The following APBA2 variants were observed in gnomAD, a reference collection of about 807,000 sequenced individuals.
APBA2 encodes the protein amyloid-beta A4 precursor protein-binding family A member 2.
A neutral mutation model predicts 75.0 loss-of-function variants in APBA2; 30 were observed. That is an observed-to-expected ratio of 0.40 (90% confidence interval 0.30 to 0.54). APBA2 has a LOEUF of 0.54. Ranked by LOEUF, APBA2 falls within the 20% of genes least tolerant of loss-of-function variation. APBA2 has a pLI of 0.49. For missense variants in APBA2, 801 were observed against 1,016.1 expected, an observed-to-expected ratio of 0.79 and a Z score of 2.88; for synonymous variants, 444 against 409.6, an observed-to-expected ratio of 1.08 and a Z score of -1.01.
chr15:28,932,254 A>T (rs1236817501), intron 2 of APBA2, among the ~76,000 whole-genome samples: 12 of 152,052 alleles, frequency 7.9e-5, no homozygotes, highest in Non-Finnish European at 2.9e-5. Context: ...TGGAGAGCTG[A>T]GGGGGGCACC....
intron 2 of APBA2, among the ~76,000 whole-genome samples, chr15:28,965,069 C>G (rs1175901357): frequency 6.6e-6 from 1 of 151,378 alleles, no homozygotes; most frequent in African/African-American, 2.4e-5. Flanking sequence ...AAAGCTCTTT[C>G]CTTTGATTTT....
chr15:28,968,738 T>A (rs2036873835), intron 2 of APBA2, among the ~76,000 whole-genome samples: 1 of 152,160 alleles, frequency 6.6e-6, no homozygotes, highest in Non-Finnish European at 1.5e-5. Flanking sequence ...ACAGAGCTTA[T>A]CAAAGCAAAA....
At chr15:28,950,260 A>G (rs368811262) in intron 2 of APBA2, among the ~76,000 whole-genome samples, 1 of 152,196 alleles carries the variant, frequency 6.6e-6, no homozygotes, top group South Asian at 2.1e-4. Flanking sequence ...CATGATATCA[A>G]TATGACTCAT....
At chr15:29,069,614 G>A (rs1020071387) in intron 4 of APBA2, among the ~76,000 whole-genome samples, 1 of 152,232 alleles carries the variant, frequency 6.6e-6, no homozygotes, top group African/African-American at 2.4e-5. Flanking sequence ...GTGTGTGTCT[G>A]TTTATACCCT....
chr15:29,038,264 C>T (rs1157169073), intron 3 of APBA2, among the ~76,000 whole-genome samples: 3 of 152,222 alleles, frequency 2.0e-5, no homozygotes, highest in South Asian at 2.1e-4. Flanking sequence ...TCTCCAGGCA[C>T]GTCCCTCCAC....
At position 29,074,966 on chromosome 15, in the gene APBA2, C is replaced by G. The variant is rs749452214; in HGVS notation, c.997C>G (p.Leu333Val). 3.7e-6 allele frequency: 6 copies of G among 1,614,042 alleles called. No homozygotes were observed. The Admixed American group carries it at 5.0e-5, about 13-fold the overall frequency. Residue 333 changes from leucine to valine, a missense_variant, in exon 5 of 15, where the codon CTC becomes GTC. By Grantham distance (32) the Leu-to-Val change is conservative. Coordinates refer to ENST00000683413, the MANE Select transcript of APBA2 (RefSeq NM_001353788.2). ...GCCAAGGAAGCAGCAGCGCTCTGATCTCAATGGACCTGTTGACAATAACAA... is the reference window on the plus strand; with the variant it reads ...GCCAAGGAAGCAGCAGCGCTCTGATGTCAATGGACCTGTTGACAATAACAA... ...EQPRKQQRSD[L>V]NGPVDNNNIP...
chr15:28,928,560 G>A (rs1302455154), intron 2 of APBA2, among the ~76,000 whole-genome samples: 2 of 152,150 alleles, frequency 1.3e-5, no homozygotes, highest in Non-Finnish European at 2.9e-5. Context: ...TGTCACAGAT[G>A]TTTCTTCTTA....
chr15:28,911,444 T>C (rs1366761467), intron 1 of APBA2, among the ~76,000 whole-genome samples: 1 of 152,216 alleles, frequency 6.6e-6, no homozygotes, highest in Non-Finnish European at 1.5e-5. Context: ...GGCAGCTGGC[T>C]TGCCTGCTGG....
chr15:29,090,770 G>C (rs925916361), intron 6 of APBA2, among the ~76,000 whole-genome samples: 5 of 152,178 alleles, frequency 3.3e-5, no homozygotes, highest in Non-Finnish European at 7.4e-5. Flanking sequence ...ACTGGGGGGT[G>C]CCTGTTGAGC....
rs139452777 is a variant in APBA2, at chr15:28,926,020, A to G, written c.-95+4271A>G. Among the ~76,000 whole-genome samples the G allele has an allele frequency of 2.9e-3, 445 of 152,314 alleles. 1 individual carries two copies. Among genetic ancestry groups the G allele is most frequent in the African/African-American group, 0.01 (428 of 41,580 alleles). On this transcript the variant is annotated intron_variant, in intron 2 of 14. Coordinates refer to ENST00000683413, the MANE Select transcript of APBA2 (RefSeq NM_001353788.2). ...CCAACTTACTTTGATTAGAGTTAGC[A>G]TGGTATACCTTTCTCTATCCCTTTA...
At chr15:28,978,113 A>C (rs992928273) in intron 2 of APBA2, among the ~76,000 whole-genome samples, 2 of 152,130 alleles carry the variant, frequency 1.3e-5, no homozygotes, top group African/African-American at 4.8e-5. Flanking sequence ...ATTAGTTTCC[A>C]TTCTCCCTCT....
At chr15:29,096,996 A>G (rs764224914) in intron 8 of APBA2, among the ~76,000 whole-genome samples, 1 of 152,240 alleles carries the variant, frequency 6.6e-6, no homozygotes, top group Non-Finnish European at 1.5e-5. Context: ...TCTCACAACC[A>G]TATGCCAGAC....
rs144583742 is a variant in APBA2 at position 28,940,818 on chromosome 15, A to G, written c.-95+19069A>G. Among the ~76,000 whole-genome samples, 798 of 152,318 alleles carry G rather than the reference A, an allele frequency of 5.2e-3. 7 individuals carry two copies. Among genetic ancestry groups the G allele is most frequent in the Non-Finnish European group, 8.7e-3 (592 of 68,030 alleles). ...TTGAACCTAAATGCTTTGTCATAGC[A>G]GATAATAAAGGAGCCACCCTGGACT... On this transcript the variant is annotated intron_variant, in intron 2 of 14. Transcript: ENST00000683413.
At chr15:29,112,452 A>T (rs1337211548) in intron 13 of APBA2, among the ~76,000 whole-genome samples, 1 of 152,180 alleles carries the variant, frequency 6.6e-6, no homozygotes, top group African/African-American at 2.4e-5. Context: ...CTGTGTCTGC[A>T]TGTGTGTGTA....
At chr15:28,904,373 C>A (rs2033032272) in intron 1 of APBA2, among the ~76,000 whole-genome samples, 1 of 152,208 alleles carries the variant, frequency 6.6e-6, no homozygotes, top group Non-Finnish European at 1.5e-5. Flanking sequence ...CAGGGTTGGA[C>A]ATTAAATTTG....
At chr15:29,038,873 T>C (rs1288000431) in intron 3 of APBA2, among the ~76,000 whole-genome samples, 1 of 151,484 alleles carries the variant, frequency 6.6e-6, no homozygotes, top group Non-Finnish European at 1.5e-5. Flanking sequence ...AGGATTTCAC[T>C]ATGTTGGCCA....
chr15:29,077,109 A>T (rs2042885298), intron 6 of APBA2, among the ~76,000 whole-genome samples: 1 of 152,214 alleles, frequency 6.6e-6, no homozygotes, highest in South Asian at 2.1e-4. Flanking sequence ...ATTTTGACCA[A>T]TTCAGATAGG....
At position 29,023,441 on chromosome 15, in the gene APBA2, C is replaced by CTTT. The variant is rs10604525; in HGVS notation, c.-41+27665_-41+27667dup. 4.6e-3 allele frequency among the ~76,000 whole-genome samples: 334 copies of CTTT among 73,320 alleles called. 13 individuals are homozygous for CTTT. Among genetic ancestry groups the CTTT allele is most frequent in the South Asian group, 8.1e-3 (14 of 1,738 alleles). 48.1% of individuals were successfully genotyped at this position (73,320 alleles called of 152,430 possible). A position where few individuals can be genotyped will look rare whatever the true frequency, so the allele number is the denominator to read the frequency against. On this transcript the variant is annotated intron_variant, in intron 3 of 14. Coordinates refer to ENST00000683413, the MANE Select transcript of APBA2 (RefSeq NM_001353788.2). ...ATTTGATGGCCATTATACCTTTTTC[C>CTTT]TTTTTTTTTTTTTTTTTTTTTTTTT...
At chr15:29,019,264 G>A (rs1289989056) in intron 3 of APBA2, among the ~76,000 whole-genome samples, 1 of 152,216 alleles carries the variant, frequency 6.6e-6, no homozygotes, top group African/African-American at 2.4e-5. Flanking sequence ...GCCATTCTTC[G>A]AAGGAGGAAG....
Sources: gnomAD v4.1 joint callset for allele counts (sites outside exome capture counted in the v4.1 genomes callset) on GRCh38, gnomAD v4.1.1 for gene constraint, MANE v1.5 for transcripts, NCBI Gene and HGNC (gene_info 2026-07-23, HGNC 2026-07-21) for gene names.